The following F10 variants were observed in gnomAD, a reference collection of about 807,000 sequenced individuals.
The protein encoded by F10 is coagulation factor X.
F10 carries 29 observed loss-of-function variants against 37.1 expected under a neutral mutation model. The ratio of observed to expected loss-of-function variants is 0.78; its 90% CI spans 0.58 to 1.07. F10 has a LOEUF of 1.07. Ranked by LOEUF, F10 falls within the 50% of genes least tolerant of loss-of-function variation. The pLI, the probability that F10 is intolerant of heterozygous loss-of-function variation, is 0.00. For missense variants in F10, 539 were observed against 667.9 expected (o/e 0.81, Z 2.13); for synonymous variants, 262 against 268.6 (o/e 0.98, Z 0.24).
At position 113,139,377 on chromosome 13, in the gene F10, A is replaced by T; in HGVS notation, c.277A>T (p.Ser93Cys). Residue 93 changes from serine to cysteine, a missense_variant, in exon 4 of 8, where the codon AGT becomes TGT. By Grantham distance (112) the Ser-to-Cys change is moderately radical (BLOSUM62 -1). Coordinates refer to ENST00000375559, the MANE Select transcript of F10 (RefSeq NM_000504.4). This position sits in a 1 kb window ranked among gnomAD's most constrained non-coding sequence, Gnocchi z 5.2. ...TGCAGATGGCGACCAGTGTGAGACC[A>T]GTCCTTGCCAGAACCAGGGCAAATG... is the stretch of plus-strand genomic sequence containing the variant. ...KYKDGDQCET[S>C]PCQNQGKCKD... The T allele has an allele frequency of 6.2e-7, 1 of 1,613,924 alleles. No homozygotes were observed. Among genetic ancestry groups the T allele is most frequent in the Non-Finnish European group, 8.5e-7 (1 of 1,179,842 alleles).
chr13:113,124,619 T>G (rs1463013650), intron 1 of F10, among the ~76,000 whole-genome samples: 1 of 152,228 alleles, frequency 6.6e-6, no homozygotes, highest in Non-Finnish European at 1.5e-5. Flanking sequence ...CTGTGCACAC[T>G]TTTGATTTTA....
rs1417615640 is a variant in F10, at chr13:113,146,857, C to T, written c.748-522C>T. Among the ~76,000 whole-genome samples the T allele has an allele frequency of 4.6e-5, 7 of 152,106 alleles. No individual in the cohort carries two copies. Among genetic ancestry groups the T allele is most frequent in the Admixed American group, 2.0e-4 (3 of 15,276 alleles). On this transcript the variant is annotated intron_variant, in intron 6 of 7. Coordinates refer to ENST00000375559, the MANE Select transcript of F10 (RefSeq NM_000504.4). The surrounding 1 kb of genome is among the most constrained non-coding windows in gnomAD (Gnocchi z 4.5). ...CTGTCAGTGCTTGCTCCCCTGGGAC[C>T]GTGTTCCAAGTCCTGGCAGGTAGGA... is the stretch of plus-strand genomic sequence containing the variant.
rs2138548134 is a variant in F10 at position 113,143,580 on chromosome 13, C to G, written c.503-271C>G. 6.6e-6 allele frequency among the ~76,000 whole-genome samples: 1 copy of G among 152,268 alleles called. No individual in the cohort carries two copies. On this transcript the variant is annotated intron_variant, in intron 5 of 7. Transcript: ENST00000375559. This position sits in a 1 kb window ranked among gnomAD's most constrained non-coding sequence, Gnocchi z 6.8. The stretch of plus-strand genomic sequence containing the variant: ...TGCATTTTCAGGCAAACCGCAGACG[C>G]CAACACTCCCCTCGCTGCCTGGGTT...
At chr13:113,126,572 T>C (rs1003134849) in intron 1 of F10, among the ~76,000 whole-genome samples, 4 of 152,016 alleles carry the variant, frequency 2.6e-5, no homozygotes, top group African/African-American at 9.7e-5. Context: ...GGCAAGTCTG[T>C]GAACCATCAC....
chr13:113,123,584 G>A (rs1335101876), intron 1 of F10, among the ~76,000 whole-genome samples: 2 of 152,186 alleles, frequency 1.3e-5, no homozygotes, highest in East Asian at 3.9e-4. Flanking sequence ...AGGGACCCTA[G>A]ACTTGTTTGC....
In F10 at chr13:113,144,375, G is replaced by A. The variant is rs1418903975; in HGVS notation, c.747+280G>A. On this transcript the variant is annotated intron_variant, in intron 6 of 7. Transcript: ENST00000375559. This position sits in a 1 kb window ranked among gnomAD's most constrained non-coding sequence, Gnocchi z 6.4. The stretch of plus-strand genomic sequence containing the variant: ...CCACTGGGCATTTCCATGGCTGCCC[G>A]TGGCATGCCCAGGACGATGCTGTCC... Among the ~76,000 whole-genome samples the A allele has an allele frequency of 4.6e-5, 7 of 152,238 alleles. No individual in the cohort carries two copies. Among genetic ancestry groups the A allele is most frequent in the South Asian group, 2.1e-4 (1 of 4,836 alleles).
chr13:113,143,758 C>A lies in F10; in HGVS notation c.503-93C>A, dbSNP rs570401975. 9 of 1,583,392 alleles carry A rather than the reference C, an allele frequency of 5.7e-6. No homozygotes were observed. The highest frequency in any genetic ancestry group is 7.7e-6 in the Non-Finnish European group (9 of 1,168,976). On this transcript the variant is annotated intron_variant, in intron 5 of 7. Coordinates refer to ENST00000375559, the MANE Select transcript of F10 (RefSeq NM_000504.4). The surrounding 1 kb of genome is among the most constrained non-coding windows in gnomAD (Gnocchi z 6.8). ...CCGGGTGCCCCTGCGCTCTGCCTCCCGGCTCTCTGACTCTTCTCCCTCAGG... is the reference window on the plus strand; with the variant it reads ...CCGGGTGCCCCTGCGCTCTGCCTCCAGGCTCTCTGACTCTTCTCCCTCAGG...
intron 4 of F10, chr13:113,140,384 T>C (rs1047477531): frequency 1.0e-5 from 4 of 393,608 alleles, no homozygotes; most frequent in Middle Eastern, 4.9e-4. Context: ...CCGGCCTAAT[T>C]GATCATCTTT....
chr13:113,133,201 A>T (rs1327513833), intron 2 of F10, among the ~76,000 whole-genome samples: 1 of 152,112 alleles, frequency 6.6e-6, no homozygotes, highest in African/African-American at 2.4e-5. Flanking sequence ...AAAAAGAAAA[A>T]AATAAACCAA....
chr13:113,126,955 T>C (rs946489414), intron 1 of F10, among the ~76,000 whole-genome samples: 2 of 152,034 alleles, frequency 1.3e-5, no homozygotes, highest in Non-Finnish European at 2.9e-5. Flanking sequence ...TCAGAGCAAG[T>C]GTGTGGGAGT....
Position 113,146,234 on chromosome 13 carries a change from T to TGA in F10, c.748-1144_748-1143dup, listed in dbSNP as rs2036581498. Among the ~76,000 whole-genome samples, 3 of 152,184 alleles carry TGA rather than the reference T, an allele frequency of 2.0e-5. No homozygotes were observed. The South Asian group carries it at 6.2e-4, about 32-fold the overall frequency. ...GATATGAAACCATGAAGCCTCTCTG[T>TGA]GACCAATACACAGAAATCTCAACCT... On this transcript the variant is annotated intron_variant, in intron 6 of 7. Coordinates refer to ENST00000375559, the MANE Select transcript of F10 (RefSeq NM_000504.4). The surrounding 1 kb of genome is among the most constrained non-coding windows in gnomAD (Gnocchi z 4.5).
chr13:113,129,732 C>T (rs1400044171), intron 2 of F10, 120 bp downstream of exon 2: 2 of 1,336,942 alleles, frequency 1.5e-6, no homozygotes, highest in African/African-American at 1.4e-5. Flanking sequence ...TGCGCGAAGG[C>T]TTTCAGGGGC....
intron 2 of F10, among the ~76,000 whole-genome samples, chr13:113,132,652 G>A (rs966237522): frequency 6.6e-6 from 1 of 152,148 alleles, no homozygotes; most frequent in African/African-American, 2.4e-5. Flanking sequence ...AAAGTAAATC[G>A]CAGTGTATTG....
intron 1 of F10, among the ~76,000 whole-genome samples, chr13:113,129,107 T>C (rs2036399738): frequency 6.6e-6 from 1 of 152,152 alleles, no homozygotes. Flanking sequence ...TGGAAACTGG[T>C]ATCTTATTGC....
At chr13:113,148,046 CA>C (rs559759923) in intron 7 of F10, among the ~76,000 whole-genome samples, 60 of 152,168 alleles carry the variant, frequency 3.9e-4, no homozygotes, top group African/African-American at 1.4e-3. Flanking sequence ...TATAAAAAAA[CA>C]GGCTGGGTGT....
At chr13:113,140,424 G>C in intron 4 of F10, 1 of 437,326 alleles carries the variant, frequency 2.3e-6, no homozygotes, top group Non-Finnish European at 4.7e-6. Context: ...GATTACTTTT[G>C]AGTTTTCCCT....
At chr13:113,132,769 T>G (rs1268131276) in intron 2 of F10, among the ~76,000 whole-genome samples, 1 of 152,242 alleles carries the variant, frequency 6.6e-6, no homozygotes, top group Non-Finnish European at 1.5e-5. Flanking sequence ...TAATGGACAT[T>G]TATAGGATTC....
rs1369171198 is a variant in F10, at chr13:113,143,864, T to A, written c.516T>A (p.Cys172Ter). ...TCTTTCTTTCAGGGCCCTACCCCTG[T>A]GGGAAACAGACCCTGGAACGCAGGA... ...KACIPTGPYP[C>*]GKQTLERRKR... Residue 172 changes from cysteine (C) to a stop codon, truncating the protein, a stop_gained, in exon 6 of 8, where the codon TGT (cysteine) becomes TGA (stop). Coordinates refer to ENST00000375559, the MANE Select transcript of F10 (RefSeq NM_000504.4). LOFTEE classifies it high-confidence loss of function. The surrounding 1 kb of genome is among the most constrained non-coding windows in gnomAD (Gnocchi z 6.8). 4 of 1,612,700 alleles carry A rather than the reference T, an allele frequency of 2.5e-6. No individual in the cohort carries two copies. Among genetic ancestry groups the A allele is most frequent in the Non-Finnish European group, 3.4e-6 (4 of 1,179,990 alleles).
Position 113,139,899 on chromosome 13 carries a change from T to A in F10, c.370+429T>A, listed in dbSNP as rs145960678. 6.6e-3 allele frequency among the ~76,000 whole-genome samples: 1,009 copies of A among 152,264 alleles called. 14 individuals carry two copies. The highest frequency in any genetic ancestry group is 0.022 in the African/African-American group (925 of 41,524). On this transcript the variant is annotated intron_variant, in intron 4 of 7. Transcript: ENST00000375559. The surrounding 1 kb of genome is among the most constrained non-coding windows in gnomAD (Gnocchi z 5.2). Reference sequence around the variant, plus strand: ...TGCAGGTGTCAATATTTGTGAATATTTGTGATTGGCCAATTATAAAAATTT... The same window carrying A: ...TGCAGGTGTCAATATTTGTGAATATATGTGATTGGCCAATTATAAAAATTT...
Sources: allele counts gnomAD v4.1 joint callset (sites outside exome capture counted in the v4.1 genomes callset), GRCh38; gene constraint gnomAD v4.1.1; non-coding constraint Gnocchi (gnomAD v3.1); transcripts MANE v1.5; gene names NCBI Gene and HGNC (gene_info 2026-07-23, HGNC 2026-07-21).